The following SHE variants were observed in gnomAD, a reference collection of about 807,000 sequenced individuals.
SHE encodes SH2 domain-containing adapter protein E.
A neutral mutation model predicts 49.8 loss-of-function variants in SHE; 11 were observed. The observed-to-expected ratio is 0.22, with a 90% CI of 0.14 to 0.37. SHE has a LOEUF of 0.37. Among genes scored for constraint, SHE ranks in the 10% least tolerant of loss-of-function variants. The pLI is 1.00. For missense variants in SHE, 624 were observed against 655.5 expected, an observed-to-expected ratio of 0.95 and a Z score of 0.52; for synonymous variants, 310 against 278.1, an observed-to-expected ratio of 1.11 and a Z score of -1.14.
At chr1:154,487,715 T>G (rs995997142) in intron 3 of SHE, among the ~76,000 whole-genome samples, 1 of 151,476 alleles carries the variant, frequency 6.6e-6, no homozygotes, top group Non-Finnish European at 1.5e-5. Context: ...CCGGGAGTGG[T>G]GGTGCACGCC....
chr1:154,484,062 A>G lies in SHE; in HGVS notation c.*87T>C. 1 of 1,504,070 alleles carries G rather than the reference A, an allele frequency of 6.6e-7. No homozygotes were observed. The highest frequency in any genetic ancestry group is 8.9e-7 in the Non-Finnish European group (1 of 1,124,152). The allele number at this position is 1,504,070 out of a possible 1,614,324, so 93.2% of individuals were successfully genotyped here. On this transcript the variant is annotated 3_prime_UTR_variant, in exon 6 of 6. Transcript: ENST00000304760. ...AGACTCCCATTTTCTAGCAGTTGCT[A>G]GTCCAGCCTTGTCCTCTGAGATGCT...
rs777117234 is a variant in SHE at position 154,485,938 on chromosome 1, C to T, written c.1301+5G>A. 22 of 1,612,578 alleles carry T rather than the reference C, an allele frequency of 1.4e-5. No homozygotes were observed. Among genetic ancestry groups the T allele is most frequent in the Non-Finnish European group, 1.7e-6 (2 of 1,178,810 alleles). On this transcript the variant is annotated splice_donor_5th_base_variant and intron_variant, in intron 5 of 5. Coordinates refer to ENST00000304760, the MANE Select transcript of SHE (RefSeq NM_001010846.3). ...GAGATGAGGAAAGCCATGGGGCTTA[C>T]TTACTTTAGGGCAATGGAGTACCTG...
In SHE at chr1:154,481,208, G is replaced by A. The variant is rs1350029491; in HGVS notation, c.*2941C>T. 7 of 985,240 alleles carry A rather than the reference G, an allele frequency of 7.1e-6. No individual in the cohort carries two copies. The East Asian group carries it at 6.8e-4, about 96-fold the overall frequency. The allele number at this position is 985,240 out of a possible 1,614,324, so 61.0% of individuals were successfully genotyped here. On this transcript the variant is annotated 3_prime_UTR_variant, in exon 6 of 6. Coordinates refer to ENST00000304760, the MANE Select transcript of SHE (RefSeq NM_001010846.3). Reference sequence around the variant, plus strand: ...GGCCTAATTGTTTTTAGAACATATGGAACTTTGTGCCACCACACAGCTGTG... The same window carrying A: ...GGCCTAATTGTTTTTAGAACATATGAAACTTTGTGCCACCACACAGCTGTG...
chr1:154,476,437 G>A (rs1004959677), downstream of SHE, among the ~76,000 whole-genome samples: 6 of 152,142 alleles, frequency 3.9e-5, no homozygotes, highest in African/African-American at 1.2e-4. Flanking sequence ...AAGGTCAGGC[G>A]TTTGAGATCA....
In SHE at chr1:154,483,040, T is replaced by C. The variant is rs1251535967; in HGVS notation, c.*1109A>G. The C allele has an allele frequency of 2.0e-6, 2 of 984,784 alleles. No individual in the cohort carries two copies. Among genetic ancestry groups the C allele is most frequent in the Non-Finnish European group, 1.2e-6 (1 of 829,412 alleles). 61.0% of individuals were successfully genotyped at this position (984,784 alleles called of 1,614,324 possible). On this transcript the variant is annotated 3_prime_UTR_variant, in exon 6 of 6. Transcript: ENST00000304760. Reference sequence around the variant, plus strand: ...TGTAATTAATTCAGTAAAAAAACAGTTGTGGAGCTTTGCAAATTTCCAGAA... The same window carrying C: ...TGTAATTAATTCAGTAAAAAAACAGCTGTGGAGCTTTGCAAATTTCCAGAA...
At position 154,483,959 on chromosome 1, in the gene SHE, T is replaced by C. The variant is rs183030366; in HGVS notation, c.*190A>G. 1.9e-4 allele frequency: 264 copies of C among 1,386,290 alleles called. No individual in the cohort carries two copies. The highest frequency in any genetic ancestry group is 2.6e-4 in the East Asian group (10 of 38,366). The allele number at this position is 1,386,290 out of a possible 1,614,324, so 85.9% of individuals were successfully genotyped here. A position where few individuals can be genotyped will look rare whatever the true frequency, so the allele number is the denominator to read the frequency against. ...GTTGCAGTGAGCCAAGATTGCGCCA[T>C]TGCACTCCAGCCTGGGCAACACAGC... On this transcript the variant is annotated 3_prime_UTR_variant, in exon 6 of 6. Coordinates refer to ENST00000304760, the MANE Select transcript of SHE (RefSeq NM_001010846.3).
downstream of SHE, among the ~76,000 whole-genome samples, chr1:154,478,428 C>CAAAAA (rs10594379): frequency 1.9e-4 from 22 of 113,376 alleles, no homozygotes; most frequent in African/African-American, 7.2e-4. Flanking sequence ...ATAAAAAGTG[C>CAAAAA]AAAAAAAAAA....
chr1:154,492,533 G>C (rs1040480403), intron 2 of SHE, among the ~76,000 whole-genome samples: 2 of 152,194 alleles, frequency 1.3e-5, no homozygotes, highest in Non-Finnish European at 2.9e-5. Flanking sequence ...CAGGTATCTG[G>C]GGTTGTCTGA....
chr1:154,499,387 G>C, intron 1 of SHE, 149 bp from the exon 2 acceptor site: 1 of 807,286 alleles, frequency 1.2e-6, no homozygotes, highest in South Asian at 2.4e-5. Context: ...TTGATCATGT[G>C]TCCCAGTTAG....
chr1:154,498,105 T>G (rs1210432249), intron 2 of SHE, among the ~76,000 whole-genome samples: 1 of 151,902 alleles, frequency 6.6e-6, no homozygotes, highest in Non-Finnish European at 1.5e-5. Flanking sequence ...TTGTTTGTTT[T>G]TTTTGAGACG....
chr1:154,491,692 G>A (rs559056347), intron 2 of SHE, among the ~76,000 whole-genome samples: 1 of 152,202 alleles, frequency 6.6e-6, no homozygotes, highest in African/African-American at 2.4e-5. Context: ...CTGGATGGAT[G>A]GATGGGAGGA....
chr1:154,490,471 G>C (rs1692327900), intron 2 of SHE, among the ~76,000 whole-genome samples: 1 of 152,216 alleles, frequency 6.6e-6, no homozygotes, highest in South Asian at 2.1e-4. Context: ...TTGGGCTCTA[G>C]AAGCTATACT....
At chr1:154,501,359 A>C in intron 1 of SHE, 77 bp downstream of exon 1, 1 of 1,401,728 alleles carries the variant, frequency 7.1e-7, no homozygotes, top group Non-Finnish European at 9.9e-7. Context: ...TCTTAGGTCT[A>C]AAGAAGCCTA....
chr1:154,485,864 G>C, intron 5 of SHE, 79 bp downstream of exon 5: 5 of 1,547,396 alleles, frequency 3.2e-6, no homozygotes, highest in Non-Finnish European at 4.4e-6. Context: ...CACCTTCACA[G>C]TATGTTTTTT....
At chr1:154,486,844 C>T (rs940641091) in intron 3 of SHE, among the ~76,000 whole-genome samples, 161 bp from the exon 4 acceptor site, 2 of 152,244 alleles carry the variant, frequency 1.3e-5, no homozygotes, top group Non-Finnish European at 2.9e-5. Flanking sequence ...AGCTGAGCTC[C>T]TGCTGTCTTT....
intron 5 of SHE, chr1:154,485,605 C>T (rs1002142398): frequency 1.1e-5 from 2 of 185,156 alleles, no homozygotes; most frequent in African/African-American, 4.6e-5. Flanking sequence ...AGAAGAATGA[C>T]TGTACTACCC....
downstream of SHE, among the ~76,000 whole-genome samples, chr1:154,478,376 T>C (rs1691934748): frequency 1.5e-5 from 2 of 135,272 alleles, no homozygotes; most frequent in Non-Finnish European, 3.0e-5. Flanking sequence ...GCGAAGAAAA[T>C]GAACAGACAA....
chr1:154,477,890 CAAAAA>C (rs35912019), downstream of SHE, among the ~76,000 whole-genome samples: 1 of 104,354 alleles, frequency 9.6e-6, no homozygotes, highest in Non-Finnish European at 1.9e-5. Flanking sequence ...GACACTGTCT[CAAAAA>C]AAAAAAAAAA....
rs748638231 is a variant in SHE at position 154,486,053 on chromosome 1, A to G, written c.1191T>C (p.His397=). The G allele has an allele frequency of 1.2e-6, 2 of 1,612,422 alleles. No individual in the cohort carries two copies. The highest frequency in any genetic ancestry group is 2.2e-5 in the East Asian group (1 of 44,810). The change falls in exon 5 of 6, where the codon CAT becomes CAC. Residue 397 remains histidine, a synonymous_variant. Coordinates refer to ENST00000304760, the MANE Select transcript of SHE (RefSeq NM_001010846.3). ...GLPLEKQPWY[H]GAISRAEAES... ...CAGCCTCAGCACGGCTGATGGCACC[A>G]TGATACCAGCTGAAAAATGGGGGTG...
Sources: allele counts gnomAD v4.1 joint callset (sites outside exome capture counted in the v4.1 genomes callset), GRCh38; gene constraint gnomAD v4.1.1; transcripts MANE v1.5; gene names NCBI Gene and HGNC (gene_info 2026-07-23, HGNC 2026-07-21).